COL4A2: variants seen among roughly 807,000 people sequenced by gnomAD.
The protein encoded by COL4A2 is collagen alpha-2(IV) chain.
In COL4A2, 99 loss-of-function variants were observed where a neutral mutation model predicts 200.2. The observed-to-expected ratio is 0.49, with a 90% CI of 0.42 to 0.58. The LOEUF (loss-of-function observed/expected upper bound fraction) is 0.58, where lower values mean the gene tolerates loss of function less well. Among genes scored for constraint, COL4A2 ranks in the 20% least tolerant of loss-of-function variants. The pLI is 0.00. For synonymous variants in COL4A2, 897 were observed against 900.6 expected, an observed-to-expected ratio of 1.00 and a Z score of 0.07; for missense variants, 1,950 against 2,314.1, an observed-to-expected ratio of 0.84 and a Z score of 3.23.
intron 3 of COL4A2, among the ~76,000 whole-genome samples, chr13:110,338,442 G>C (rs1566480809): frequency 6.7e-6 from 1 of 148,162 alleles, no homozygotes; most frequent in African/African-American, 2.5e-5. Context: ...TGTGGGGGGG[G>C]GTGGGGGTAA....
chr13:110,511,947 G>A lies in COL4A2; in HGVS notation c.4895G>A (p.Gly1632Glu). The A allele has an allele frequency of 2.5e-6, 4 of 1,613,524 alleles. No individual in the cohort carries two copies. Among genetic ancestry groups the A allele is most frequent in the Non-Finnish European group, 3.4e-6 (4 of 1,180,022 alleles). ...GYSFLMHTAAGDEGGGQSLVS... is the reference protein window; with the variant it reads ...GYSFLMHTAAEDEGGGQSLVS... ...CTCTCTGTGCAGCACACGGCGGCGG[G>A]AGACGAAGGCGGTGGCCAATCACTG... The change falls in exon 48 of 48, where the codon GGA (glycine) becomes GAA (glutamate). Residue 1632 changes from glycine to glutamate, a missense_variant. Physicochemically the swap from Gly to Glu is moderately conservative, Grantham distance 98. Coordinates refer to ENST00000360467, the MANE Select transcript of COL4A2 (RefSeq NM_001846.4).
rs552174744 is a variant in COL4A2, at chr13:110,430,588, T to G, written c.629T>G (p.Val210Gly). ...GGGCATGTGGGACAGATGGGTCCAG[T>G]TGGAGCTCCAGGGAGACCAGTAAGT... ...RPGHVGQMGP[V>G]GAPGRPGPPG... is the part of the protein sequence containing the mutation. The change falls in exon 10 of 48, where the codon GTT becomes GGT. Residue 210 changes from valine to glycine, a missense_variant. Val to Gly is a moderately radical substitution (Grantham distance 109). Transcript: ENST00000360467. 3.1e-6 allele frequency: 5 copies of G among 1,614,206 alleles called. 1 individual carries two copies. In the African/African-American group the frequency reaches 4.0e-5, roughly 13 times the overall value.
In COL4A2 at chr13:110,484,923, G is replaced by A. The variant is rs1793643757; in HGVS notation, c.2921G>A (p.Gly974Glu). 6.2e-7 allele frequency: 1 copy of A among 1,611,418 alleles called. No homozygotes were observed. Among genetic ancestry groups the A allele is most frequent in the African/African-American group, 1.3e-5 (1 of 74,814 alleles). The change falls in exon 33 of 48, where the codon GGG becomes GAG. Residue 974 changes from glycine (G) to glutamate (E), a missense_variant. Gly to Glu is a moderately conservative substitution (Grantham distance 98). This residue lies in a region of COL4A2 where 1,385 missense variants were observed against 1,720.5 expected (regional missense o/e 0.80). Transcript: ENST00000360467. Reference sequence around the variant, plus strand: ...CTTCCAGGCAGCCGAGGGGACCCTGGGCCCCCAGGACCACCTCCTGTCATC... The same window carrying A: ...CTTCCAGGCAGCCGAGGGGACCCTGAGCCCCCAGGACCACCTCCTGTCATC... ...PGFKGSRGDPGPPGPPPVILP... is the reference protein window; with the variant it reads ...PGFKGSRGDPEPPGPPPVILP...
intron 17 of COL4A2, 84 bp from the exon 18 acceptor site, chr13:110,446,714 G>A (rs563880628): frequency 1.3e-5 from 15 of 1,197,300 alleles, no homozygotes; most frequent in African/African-American, 7.5e-5. Context: ...GTCCACGCTC[G>A]GGTTTCTTCT....
intron 4 of COL4A2, among the ~76,000 whole-genome samples, chr13:110,385,413 GGATA>G (rs1878651099): frequency 1.0e-5 from 1 of 97,662 alleles, no homozygotes; most frequent in African/African-American, 3.7e-5. Context: ...TACAGTGTGT[GGATA>G]GACTGTGGTT....
At chr13:110,480,467 C>G in intron 31 of COL4A2, 77 bp downstream of exon 31, 2 of 1,451,494 alleles carry the variant, frequency 1.4e-6, no homozygotes, top group Non-Finnish European at 1.8e-6. Flanking sequence ...GACAGCTCTG[C>G]TGGGCGCCTC....
intron 3 of COL4A2, among the ~76,000 whole-genome samples, chr13:110,317,259 C>T (rs530233584): frequency 1.1e-4 from 17 of 151,852 alleles, no homozygotes; most frequent in African/African-American, 4.1e-4. Flanking sequence ...ACACTTGCAC[C>T]ACACTCACAC....
intron 3 of COL4A2, among the ~76,000 whole-genome samples, chr13:110,337,611 T>G (rs1329713642): frequency 6.6e-6 from 1 of 152,224 alleles, no homozygotes; most frequent in East Asian, 1.9e-4. Context: ...TGGGGGCTTT[T>G]GAAGGCTTAG....
At chr13:110,455,617 G>C (rs950860622) in intron 20 of COL4A2, among the ~76,000 whole-genome samples, 14 of 152,312 alleles carry the variant, frequency 9.2e-5, no homozygotes, top group African/African-American at 3.4e-4. Flanking sequence ...TATACACACA[G>C]CACCTCGCAC....
chr13:110,414,396 G>A (rs1441185426), intron 4 of COL4A2, among the ~76,000 whole-genome samples: 2 of 152,192 alleles, frequency 1.3e-5, no homozygotes, highest in Non-Finnish European at 2.9e-5. Flanking sequence ...CAAACTGCTA[G>A]ACCAGAAAAT....
intron 3 of COL4A2, among the ~76,000 whole-genome samples, chr13:110,309,153 A>C (rs190303236): frequency 4.5e-4 from 69 of 152,368 alleles, no homozygotes; most frequent in Middle Eastern, 3.4e-3. Context: ...GCCCTGATGT[A>C]AAACAAACCA....
intron 3 of COL4A2, among the ~76,000 whole-genome samples, chr13:110,350,769 G>C (rs1357140992): frequency 6.6e-6 from 1 of 152,218 alleles, no homozygotes; most frequent in Non-Finnish European, 1.5e-5. Context: ...GGTGGGGCCT[G>C]CATTCCTCAC....
chr13:110,336,615 G>A (rs1277519700), intron 3 of COL4A2, among the ~76,000 whole-genome samples: 1 of 152,130 alleles, frequency 6.6e-6, no homozygotes, highest in Non-Finnish European at 1.5e-5. Context: ...TGGGGAAAGG[G>A]GGTCCCTTTT....
At chr13:110,454,912 C>T (rs1440412890) in intron 20 of COL4A2, among the ~76,000 whole-genome samples, 2 of 152,040 alleles carry the variant, frequency 1.3e-5, no homozygotes, top group Non-Finnish European at 2.9e-5. Context: ...CTCCTCCGTC[C>T]CCACCCCCTG....
In COL4A2 at chr13:110,381,629, A is replaced by G. The variant is rs375446444; in HGVS notation, c.180+24077A>G. Among the ~76,000 whole-genome samples the G allele has an allele frequency of 3.3e-4, 51 of 152,330 alleles. No individual in the cohort carries two copies. The South Asian group carries it at 8.3e-3, about 25-fold the overall frequency. ...AAGGACAGGTCAGAAAAGGAGCCTC[A>G]GGTCAACAATGTGTTCTCGACCTGC... On this transcript the variant is annotated intron_variant, in intron 4 of 47. Coordinates refer to ENST00000360467, the MANE Select transcript of COL4A2 (RefSeq NM_001846.4).
At chr13:110,325,353 G>A (rs1192736810) in intron 3 of COL4A2, among the ~76,000 whole-genome samples, 4 of 152,152 alleles carry the variant, frequency 2.6e-5, no homozygotes, top group Non-Finnish European at 5.9e-5. Flanking sequence ...AGGCAGCCCT[G>A]TTTCTCCTGG....
chr13:110,312,613 A>C (rs1885015122), intron 3 of COL4A2, among the ~76,000 whole-genome samples: 1 of 152,192 alleles, frequency 6.6e-6, no homozygotes, highest in Non-Finnish European at 1.5e-5. Flanking sequence ...TTATCTGAAG[A>C]AGAATGTTTG....
chr13:110,509,811 G>C (rs1283862108), intron 47 of COL4A2, among the ~76,000 whole-genome samples: 2 of 152,200 alleles, frequency 1.3e-5, no homozygotes, highest in Non-Finnish European at 1.5e-5. Context: ...AAAGGCATGG[G>C]TTGAGACGGC....
chr13:110,410,170 G>T (rs1879774100), intron 4 of COL4A2, among the ~76,000 whole-genome samples: 1 of 152,208 alleles, frequency 6.6e-6, no homozygotes, highest in African/African-American at 2.4e-5. Context: ...CAAGCTTCAA[G>T]GCAACAGGGA....
Sources: gnomAD v4.1 joint callset for allele counts (sites outside exome capture counted in the v4.1 genomes callset) on GRCh38, gnomAD v4.1.1 for gene constraint, gnomAD v4.1.1 regional missense constraint, MANE v1.5 for transcripts, NCBI Gene and HGNC (gene_info 2026-07-23, HGNC 2026-07-21) for gene names.